Variants in MIGA1 observed in about 807,000 individuals in gnomAD.
MIGA1 encodes the protein mitoguardin 1, also known as family with sequence similarity 73, member A.
A neutral mutation model predicts 82.0 loss-of-function variants in MIGA1; 58 were observed. The observed-to-expected ratio is 0.71, with a 90% CI of 0.57 to 0.88. MIGA1 has a LOEUF of 0.88. Among genes scored for constraint, MIGA1 ranks in the 40% least tolerant of loss-of-function variants. The pLI is 0.00. For missense variants in MIGA1, 751 were observed against 749.1 expected (o/e 1.00, Z -0.03); for synonymous variants, 249 against 253.6 (o/e 0.98, Z 0.17).
intron 2 of MIGA1, among the ~76,000 whole-genome samples, chr1:77,794,981 T>A (rs1016605991): frequency 6.6e-6 from 1 of 152,126 alleles, no homozygotes; most frequent in Admixed American, 6.6e-5. Flanking sequence ...GTTTTTTTTT[T>A]AAGATGCACC....
intron 2 of MIGA1, among the ~76,000 whole-genome samples, chr1:77,794,006 C>G (rs1682550207): frequency 6.6e-6 from 1 of 151,682 alleles, no homozygotes; most frequent in Admixed American, 6.6e-5. Context: ...CCAGGCTGGT[C>G]TCGAACTCCT....
At chr1:77,809,350 A>G (rs1249556145) in intron 5 of MIGA1, among the ~76,000 whole-genome samples, 3 of 152,172 alleles carry the variant, frequency 2.0e-5, no homozygotes, top group Admixed American at 1.3e-4. Flanking sequence ...AACTGATGAT[A>G]TTTGGTAGTC....
intron 3 of MIGA1, among the ~76,000 whole-genome samples, chr1:77,802,080 A>G (rs958655525): frequency 3.3e-5 from 5 of 152,220 alleles, no homozygotes; most frequent in Middle Eastern, 3.4e-3. Context: ...CTTTTAAAGG[A>G]TCTTTAATTT....
intron 8 of MIGA1, among the ~76,000 whole-genome samples, chr1:77,845,948 T>C (rs1195019372): frequency 3.5e-5 from 4 of 113,610 alleles, no homozygotes; most frequent in Admixed American, 2.4e-4. Context: ...GATGAAAAGC[T>C]TTTTTTTTTT....
intron 2 of MIGA1, among the ~76,000 whole-genome samples, chr1:77,790,351 C>T (rs1682361244): frequency 6.6e-6 from 1 of 152,194 alleles, no homozygotes; most frequent in East Asian, 1.9e-4. Context: ...ACTGCAAGCT[C>T]CGCCTCCCGG....
At chr1:77,779,921 C>T (rs1681824201) in intron 1 of MIGA1, 185 bp downstream of exon 1, 1 of 1,386,030 alleles carries the variant, frequency 7.2e-7, no homozygotes, top group South Asian at 1.6e-5. Context: ...CCACCCTGAA[C>T]ACCCCCGACC....
intron 7 of MIGA1, among the ~76,000 whole-genome samples, chr1:77,840,234 A>G (rs1327490602): frequency 3.3e-5 from 5 of 152,204 alleles, no homozygotes; most frequent in Non-Finnish European, 5.9e-5. Context: ...GGTATAGTCT[A>G]TGGTTTATGG....
At chr1:77,869,660 C>T (rs1252163620) in intron 14 of MIGA1, among the ~76,000 whole-genome samples, 2 of 136,318 alleles carry the variant, frequency 1.5e-5, no homozygotes, top group South Asian at 2.5e-4. Context: ...CAGAGGCGCC[C>T]CTCACCTCCC....
intron 2 of MIGA1, among the ~76,000 whole-genome samples, chr1:77,787,088 C>G (rs1682194060): frequency 6.6e-6 from 1 of 152,096 alleles, no homozygotes; most frequent in African/African-American, 2.4e-5. Context: ...AGAGTGAGAG[C>G]CAAATGAAAT....
At chr1:77,822,282 C>T (rs1294578047) in intron 7 of MIGA1, among the ~76,000 whole-genome samples, 4 of 152,194 alleles carry the variant, frequency 2.6e-5, no homozygotes, top group South Asian at 2.1e-4. Flanking sequence ...ACCATGGGGC[C>T]GGGCACAGTA....
At position 77,863,991 on chromosome 1, in the gene MIGA1, T is replaced by C; in HGVS notation, c.1472T>C (p.Val491Ala). ...CCACCCACATCCATACAGAATGTAGTAAATAATCGATGGCTAAACTCATCC... is the reference window on the plus strand; with the variant it reads ...CCACCCACATCCATACAGAATGTAGCAAATAATCGATGGCTAAACTCATCC... Residue 491 changes from valine to alanine, a missense_variant, in exon 13 of 16, where the codon GTA (valine) becomes GCA (alanine). By Grantham distance (64) the Val-to-Ala change is moderately conservative. Transcript: ENST00000370791. 1 of 1,608,382 alleles carries C rather than the reference T, an allele frequency of 6.2e-7. No homozygotes were observed. The highest frequency in any genetic ancestry group is 8.5e-7 in the Non-Finnish European group (1 of 1,178,828).
At chr1:77,849,591 T>C (rs1684970669) in intron 8 of MIGA1, among the ~76,000 whole-genome samples, 1 of 152,172 alleles carries the variant, frequency 6.6e-6, no homozygotes, top group South Asian at 2.1e-4. Flanking sequence ...GCTTACAGCA[T>C]AGTTGGCTTA....
intron 13 of MIGA1, among the ~76,000 whole-genome samples, chr1:77,865,373 T>G (rs1319903672): frequency 6.6e-6 from 1 of 152,144 alleles, no homozygotes; most frequent in Non-Finnish European, 1.5e-5. Context: ...GGCCGATTAC[T>G]TGAGCTCAGG....
At position 77,859,355 on chromosome 1, in the gene MIGA1, C is replaced by G; in HGVS notation, c.1157C>G (p.Ala386Gly). ...TGCCTAGGAGACAGTGATTTTCTTG[C>G]CAAACTTCACTGTATTCGACAGGCT... Residue 386 changes from alanine (A) to glycine (G), a missense_variant, in exon 10 of 16, where the codon GCC (alanine) becomes GGC (glycine). Coordinates refer to ENST00000370791, the MANE Select transcript of MIGA1 (RefSeq NM_198549.4). 6.2e-7 allele frequency: 1 copy of G among 1,613,786 alleles called. No homozygotes were observed. The highest frequency in any genetic ancestry group is 8.5e-7 in the Non-Finnish European group (1 of 1,179,796).
chr1:77,858,046 G>A (rs187049474), intron 8 of MIGA1, among the ~76,000 whole-genome samples: 3 of 152,122 alleles, frequency 2.0e-5, no homozygotes, highest in Admixed American at 6.5e-5. Context: ...TCTTTTTGGT[G>A]AACTATAAGA....
At chr1:77,803,199 T>C in intron 3 of MIGA1, 71 bp from the exon 4 acceptor site, 1 of 1,020,710 alleles carries the variant, frequency 9.8e-7, no homozygotes, top group Non-Finnish European at 1.3e-6. Context: ...TATTATAAAC[T>C]CTGAAATTTT....
chr1:77,805,617 T>C (rs984534311), intron 4 of MIGA1, among the ~76,000 whole-genome samples: 3 of 149,692 alleles, frequency 2.0e-5, no homozygotes, highest in Admixed American at 6.7e-5. Context: ...GCAACCTCCA[T>C]CTCCCGGGTT....
chr1:77,798,354 G>A (rs146551874), intron 2 of MIGA1, among the ~76,000 whole-genome samples: 7 of 152,198 alleles, frequency 4.6e-5, no homozygotes, highest in African/African-American at 1.7e-4. Flanking sequence ...CCTGAGACTG[G>A]ATAATTTATA....
At chr1:77,795,901 T>C (rs1250891759) in intron 2 of MIGA1, among the ~76,000 whole-genome samples, 1 of 152,198 alleles carries the variant, frequency 6.6e-6, no homozygotes, top group East Asian at 1.9e-4. Flanking sequence ...CCCAAAGTGC[T>C]GGTCATATTG....
Sources: gnomAD v4.1 joint callset for allele counts (sites outside exome capture counted in the v4.1 genomes callset) on GRCh38, gnomAD v4.1.1 for gene constraint, MANE v1.5 for transcripts, NCBI Gene and HGNC (gene_info 2026-07-23, HGNC 2026-07-21) for gene names.